DPYD: variants seen among roughly 807,000 people sequenced by gnomAD.
DPYD encodes dihydropyrimidine dehydrogenase.
A neutral mutation model predicts 116.2 loss-of-function variants in DPYD; 109 were observed. The ratio of observed to expected loss-of-function variants is 0.94; its 90% CI spans 0.80 to 1.10. The LOEUF (loss-of-function observed/expected upper bound fraction) is 1.10, where lower values mean the gene tolerates loss of function less well. Among genes scored for constraint, DPYD ranks in the 50% least tolerant of loss-of-function variants. The pLI, the probability that DPYD is intolerant of heterozygous loss-of-function variation, is 0.00. For synonymous variants in DPYD, 440 were observed against 432.0 expected (o/e 1.02, Z -0.23); for missense variants, 1,302 against 1,254.5 (o/e 1.04, Z -0.57).
intron 11 of DPYD, among the ~76,000 whole-genome samples, chr1:97,552,449 G>A (rs2786531): frequency 0.025 from 3,815 of 152,084 alleles, 157 homozygotes; most frequent in African/African-American, 0.087. Context: ...GTAACTTTAT[G>A]TTTCTTAAAA....
intron 21 of DPYD, chr1:97,095,907 G>A (rs1650213113): frequency 2.0e-5 from 3 of 152,150 alleles, no homozygotes; most frequent in Admixed American, 2.0e-4. Flanking sequence ...GGCCAAGGTA[G>A]TGGAAAATCC....
At chr1:97,783,473 C>T (rs1457542358) in intron 3 of DPYD, among the ~76,000 whole-genome samples, 3 of 151,808 alleles carry the variant, frequency 2.0e-5, no homozygotes, top group South Asian at 4.2e-4. Context: ...CGGCTCACTG[C>T]AACCTCCACC....
chr1:97,409,099 A>C (rs909668431), intron 14 of DPYD, among the ~76,000 whole-genome samples: 1 of 152,250 alleles, frequency 6.6e-6, no homozygotes, highest in Admixed American at 6.5e-5. Context: ...TCATATTTAC[A>C]TCAGATATAC....
At chr1:97,328,304 A>G (rs4504944) in intron 16 of DPYD, among the ~76,000 whole-genome samples, 3,095 of 152,294 alleles carry the variant, frequency 0.02, 110 homozygotes, top group African/African-American at 0.071. Context: ...TATATTATAG[A>G]CATGGTTATT....
chr1:97,721,890 ATAAC>A (rs1022784716), intron 4 of DPYD, among the ~76,000 whole-genome samples: 7 of 150,674 alleles, frequency 4.6e-5, no homozygotes, highest in Non-Finnish European at 5.9e-5. Context: ...TGATAAATGA[ATAAC>A]TAATCAATTT....
At chr1:97,670,791 A>G (rs1219415776) in intron 8 of DPYD, among the ~76,000 whole-genome samples, 2 of 152,188 alleles carry the variant, frequency 1.3e-5, no homozygotes, top group Non-Finnish European at 2.9e-5. Flanking sequence ...GTAATTTTCC[A>G]ATTCTCTTAT....
intron 3 of DPYD, among the ~76,000 whole-genome samples, chr1:97,805,334 C>A (rs114526625): frequency 6.6e-6 from 1 of 151,772 alleles, no homozygotes; most frequent in Non-Finnish European, 1.5e-5. Context: ...AGAGTGAGAA[C>A]AGGACCAGGC....
At chr1:97,378,610 G>A (rs1370238158) in intron 15 of DPYD, among the ~76,000 whole-genome samples, 1 of 152,146 alleles carries the variant, frequency 6.6e-6, no homozygotes, top group East Asian at 1.9e-4. Context: ...GTTCATGGGT[G>A]CCAAATAAAA....
At chr1:97,787,329 G>T (rs907916874) in intron 3 of DPYD, among the ~76,000 whole-genome samples, 1 of 152,112 alleles carries the variant, frequency 6.6e-6, no homozygotes, top group Non-Finnish European at 1.5e-5. Flanking sequence ...CAGTGAAATA[G>T]ATCATAATGA....
At chr1:97,399,643 C>T (rs960678655) in intron 14 of DPYD, among the ~76,000 whole-genome samples, 73 of 152,194 alleles carry the variant, frequency 4.8e-4, no homozygotes, top group African/African-American at 1.7e-3. Flanking sequence ...GTTTGTAGTT[C>T]TCCTTGAAGA....
intron 3 of DPYD, among the ~76,000 whole-genome samples, chr1:97,827,210 T>C (rs1270269273): frequency 2.6e-5 from 4 of 152,142 alleles, no homozygotes; most frequent in African/African-American, 9.6e-5. Flanking sequence ...ATCCTTTCTC[T>C]CATTTTAATC....
intron 3 of DPYD, among the ~76,000 whole-genome samples, chr1:97,760,803 G>C (rs887305387): frequency 6.6e-6 from 1 of 152,078 alleles, no homozygotes. Flanking sequence ...AGATAGCCTA[G>C]AATCAACTCT....
rs78060119 is a variant in DPYD, at chr1:97,573,943, C to G, written c.1156G>C (p.Glu386Gln). The change falls in exon 11 of 23, where the codon GAA (glutamate) becomes CAA (glutamine). Residue 386 changes from glutamate to glutamine, a missense_variant. Transcript: ENST00000370192. ...CGTGGGGACAGGAATGGCAGAAATTCACACTTTTCTTCCTTAGCAAGTTCC... is the reference window on the plus strand; with the variant it reads ...CGTGGGGACAGGAATGGCAGAAATTGACACTTTTCTTCCTTAGCAAGTTCC... ...EMELAKEEKC[E>Q]FLPFLSPRKV... 6.2e-7 allele frequency: 1 copy of G among 1,613,550 alleles called. No homozygotes were observed. Among genetic ancestry groups the G allele is most frequent in the Non-Finnish European group, 8.5e-7 (1 of 1,179,612 alleles).
At chr1:97,162,740 G>C (rs1431695811) in intron 20 of DPYD, among the ~76,000 whole-genome samples, 12 of 152,228 alleles carry the variant, frequency 7.9e-5, no homozygotes, top group Admixed American at 2.6e-4. Flanking sequence ...ATAGTACAAG[G>C]CTACAGTAAC....
chr1:97,735,698 A>G (rs1167693790), intron 4 of DPYD, among the ~76,000 whole-genome samples: 3 of 145,292 alleles, frequency 2.1e-5, no homozygotes, highest in Non-Finnish European at 4.5e-5. Context: ...AAATAAATAA[A>G]TAAATAAATA....
chr1:97,161,914 T>A (rs991519490), intron 20 of DPYD, among the ~76,000 whole-genome samples: 2 of 152,094 alleles, frequency 1.3e-5, no homozygotes, highest in African/African-American at 4.8e-5. Context: ...CCATTTTTTA[T>A]GGCTACATAG....
intron 21 of DPYD, among the ~76,000 whole-genome samples, chr1:97,092,705 C>T (rs770082360): frequency 2.0e-5 from 3 of 152,012 alleles, no homozygotes; most frequent in South Asian, 4.2e-4. Flanking sequence ...AATTTCAATA[C>T]ATTCAAATCT....
chr1:97,463,118 A>G (rs1424634897), intron 13 of DPYD, among the ~76,000 whole-genome samples: 1 of 152,150 alleles, frequency 6.6e-6, no homozygotes, highest in East Asian at 1.9e-4. Context: ...GTAATGATTG[A>G]TGTCTTATGT....
At chr1:97,558,297 C>T (rs1367204019) in intron 11 of DPYD, among the ~76,000 whole-genome samples, 1 of 152,014 alleles carries the variant, frequency 6.6e-6, no homozygotes, top group African/African-American at 2.4e-5. Context: ...GCTACTTCCC[C>T]CCAGCATCTA....
Sources: allele counts gnomAD v4.1 joint callset (sites outside exome capture counted in the v4.1 genomes callset), GRCh38; gene constraint gnomAD v4.1.1; transcripts MANE v1.5; gene names NCBI Gene and HGNC (gene_info 2026-07-23, HGNC 2026-07-21).